Variants in PHYKPL observed in about 807,000 individuals in gnomAD.
PHYKPL encodes the protein 5-phosphonooxy-L-lysine phospho-lyase.
PHYKPL carries 42 observed loss-of-function variants against 51.3 expected under a neutral mutation model. The observed-to-expected ratio is 0.82, with a 90% CI of 0.64 to 1.06. The LOEUF (loss-of-function observed/expected upper bound fraction) is 1.06, where lower values mean the gene tolerates loss of function less well. Ranked by LOEUF, PHYKPL falls within the 50% of genes least tolerant of loss-of-function variation. The probability of loss-of-function intolerance (pLI) is 0.00; values close to 1 mark genes in which losing one functional copy is unlikely to be tolerated. For synonymous variants in PHYKPL, 264 were observed against 236.0 expected, an observed-to-expected ratio of 1.12 and a Z score of -1.09; for missense variants, 655 against 586.6, an observed-to-expected ratio of 1.12 and a Z score of -1.20.
intron 1 of PHYKPL, chr5:178,231,800 G>A (rs1046015844): frequency 2.0e-5 from 28 of 1,408,844 alleles, no homozygotes; most frequent in Admixed American, 1.1e-4. Flanking sequence ...ATGTGTCCGC[G>A]TCAGTCTCCC....
chr5:178,224,420 T>G, intron 6 of PHYKPL, 28 bp downstream of exon 6: 1 of 1,534,838 alleles, frequency 6.5e-7, no homozygotes, highest in East Asian at 2.3e-5. Context: ...CACTGTTGGC[T>G]GGATTGGACA....
rs768968337 is a variant in PHYKPL at position 178,209,323 on chromosome 5, C to A, written c.*32-408G>T. 4 of 1,613,270 alleles carry A rather than the reference C, an allele frequency of 2.5e-6. No individual in the cohort carries two copies. The South Asian group carries it at 4.4e-5, about 18-fold the overall frequency. ...ACTGGCCTGACCACTGTCCTCTTGA[C>A]TTTTAGTGTGAGATCAAGGTGGCCC... On this transcript the variant is annotated intron_variant, in intron 12 of 12. Coordinates refer to ENST00000308158, the MANE Select transcript of PHYKPL (RefSeq NM_153373.4).
At chr5:178,228,671 A>G in intron 3 of PHYKPL, 1 of 698,364 alleles carries the variant, frequency 1.4e-6, no homozygotes, top group South Asian at 1.5e-5. Flanking sequence ...GGCCACAGTA[A>G]TCATCACTAT....
chr5:178,231,382 C>A (rs1226366104), intron 2 of PHYKPL, 23 bp downstream of exon 2: 2 of 1,614,120 alleles, frequency 1.2e-6, no homozygotes, highest in East Asian at 4.5e-5. Context: ...TCCTGCCCTG[C>A]CAGCCTGAGG....
At chr5:178,209,502 C>T (rs968547689) in intron 12 of PHYKPL, 5 of 1,477,126 alleles carry the variant, frequency 3.4e-6, no homozygotes, top group East Asian at 2.3e-5. Flanking sequence ...ATGGAGCCTT[C>T]CAAGCCTGTC....
rs1318564588 is a variant in PHYKPL at position 178,222,415 on chromosome 5, C to T, written c.867G>A (p.Val289=). ...SIGNGHPVAC[V]AATQPVARAF... ...CCCTCGCCACAGGCTGGGTTGCGGC[C>T]ACGCAGGCAACAGGGTGGCCGTTGC... Residue 289 remains valine, a synonymous_variant, in exon 8 of 13, where the codon GTG becomes GTA. Transcript: ENST00000308158. 1 of 1,614,256 alleles carries T rather than the reference C, an allele frequency of 6.2e-7. No individual in the cohort carries two copies. Among genetic ancestry groups the T allele is most frequent in the Admixed American group, 1.7e-5 (1 of 60,028 alleles).
At chr5:178,213,284 G>T (rs3749815) in intron 10 of PHYKPL, among the ~76,000 whole-genome samples, 181 bp from the exon 11 acceptor site, 8,763 of 152,274 alleles carry the variant, frequency 0.058, 338 homozygotes, top group East Asian at 0.17. Context: ...CAGCCTGCTT[G>T]GAGTGCACTG....
chr5:178,222,964 C>T (rs745448032), intron 6 of PHYKPL, 30 bp from the exon 7 acceptor site: 23 of 1,610,752 alleles, frequency 1.4e-5, no homozygotes, highest in East Asian at 8.9e-5. Context: ...GGGAACACGA[C>T]CATGGGGTTG....
intron 10 of PHYKPL, among the ~76,000 whole-genome samples, chr5:178,214,156 AT>A (rs929723587): frequency 6.6e-6 from 1 of 152,220 alleles, no homozygotes; most frequent in African/African-American, 2.4e-5. Context: ...GACACGTCAA[AT>A]ACCAGAAGAG....
chr5:178,229,962 C>G lies in PHYKPL; in HGVS notation c.316G>C (p.Val106Leu). ...LSETLPEQLCVFYFLNSGSEA... is the reference protein window; with the variant it reads ...LSETLPEQLCLFYFLNSGSEA... ...TACCCAGAATTCAGGAAATAGAACA[C>G]ACAGAGCTGCTCCGGCAGGGTCTCT... Residue 106 changes from valine to leucine, a missense_variant, in exon 3 of 13, where the codon GTG (valine) becomes CTG (leucine). Physicochemically the swap from Val to Leu is conservative, Grantham distance 32. Coordinates refer to ENST00000308158, the MANE Select transcript of PHYKPL (RefSeq NM_153373.4). 4 of 1,614,128 alleles carry G rather than the reference C, an allele frequency of 2.5e-6. No homozygotes were observed. The East Asian group carries it at 6.7e-5, about 27-fold the overall frequency.
chr5:178,207,236 C>T (rs1428039531), downstream of PHYKPL: 4 of 1,613,400 alleles, frequency 2.5e-6, no homozygotes, highest in East Asian at 2.2e-5. Context: ...GTAAGGTGTT[C>T]CCAGCTCTGC....
rs1199146822 is a variant in PHYKPL, at chr5:178,223,002, T to C, written c.619-68A>G. 5 of 1,475,370 alleles carry C rather than the reference T, an allele frequency of 3.4e-6. No homozygotes were observed. In the East Asian group the frequency reaches 6.9e-5, roughly 20 times the overall value. 91.4% of individuals were successfully genotyped at this position (1,475,370 alleles called of 1,614,324 possible). A position where few individuals can be genotyped will look rare whatever the true frequency, so the allele number is the denominator to read the frequency against. On this transcript the variant is annotated intron_variant, in intron 6 of 12. Coordinates refer to ENST00000308158, the MANE Select transcript of PHYKPL (RefSeq NM_153373.4). ...CAGTGACCGGCTTAGCGTGCCCTGC[T>C]AGTGCTGGCTTAGTCCAAGCAAGAC...
intron 3 of PHYKPL, chr5:178,228,601 A>C (rs1318270112): frequency 1.4e-6 from 1 of 702,476 alleles, no homozygotes; most frequent in East Asian, 2.7e-5. Context: ...TGTAAAATGA[A>C]GATGGTGAAT....
intron 1 of PHYKPL, 21 bp downstream of exon 1, chr5:178,232,464 CCCCGCCG>C: frequency 7.4e-7 from 1 of 1,358,814 alleles, no homozygotes; most frequent in Admixed American, 3.8e-5. Flanking sequence ...GCCCCGCGCC[CCCCGCCG>C]CCCGCCCCCC....
At chr5:178,210,695 C>G in intron 12 of PHYKPL, 1 of 1,234,284 alleles carries the variant, frequency 8.1e-7, no homozygotes, top group Non-Finnish European at 1.2e-6. Context: ...AATTATGTAC[C>G]AAATTTAACT....
At chr5:178,231,276 C>G (rs1258055519) in intron 2 of PHYKPL, 129 bp downstream of exon 2, 2 of 1,467,324 alleles carry the variant, frequency 1.4e-6, no homozygotes, top group Non-Finnish European at 1.9e-6. Flanking sequence ...TGAGCCTCCT[C>G]TGCATACTGA....
chr5:178,224,322 CCA>C (rs1761829268), intron 6 of PHYKPL, 124 bp downstream of exon 6: 1 of 1,082,802 alleles, frequency 9.2e-7, no homozygotes. Context: ...TGCCCCTATC[CCA>C]GATTCCTGGA....
intron 12 of PHYKPL, chr5:178,209,402 CGCAACCGAG>C (rs772182189): frequency 6.2e-7 from 1 of 1,614,118 alleles, no homozygotes; most frequent in Admixed American, 1.7e-5. Flanking sequence ...CCGTGGAAAC[CGCAACCGAG>C]GGAACCGAGG....
chr5:178,225,738 A>G (rs1481156262), intron 3 of PHYKPL: 6 of 369,356 alleles, frequency 1.6e-5, no homozygotes, highest in South Asian at 3.0e-5. Flanking sequence ...CAATCAACAC[A>G]GAAGACTTCT....
Sources: gnomAD v4.1 joint callset for allele counts (sites outside exome capture counted in the v4.1 genomes callset) on GRCh38, gnomAD v4.1.1 for gene constraint, MANE v1.5 for transcripts, NCBI Gene and HGNC (gene_info 2026-07-23, HGNC 2026-07-21) for gene names.